The following THOC1 variants were observed in gnomAD, a reference collection of about 807,000 sequenced individuals.
The protein encoded by THOC1 is THO complex subunit 1.
THOC1 carries 29 observed loss-of-function variants against 97.3 expected under a neutral mutation model. The ratio of observed to expected loss-of-function variants is 0.30; its 90% CI spans 0.22 to 0.41. The LOEUF (loss-of-function observed/expected upper bound fraction) is 0.41, where lower values mean the gene tolerates loss of function less well. Ranked by LOEUF, THOC1 falls within the 10% of genes least tolerant of loss-of-function variation. The probability of loss-of-function intolerance (pLI) is 1.00; values close to 1 mark genes in which losing one functional copy is unlikely to be tolerated. For missense variants in THOC1, 529 were observed against 761.9 expected, an observed-to-expected ratio of 0.69 and a Z score of 3.60; for synonymous variants, 255 against 257.0, an observed-to-expected ratio of 0.99 and a Z score of 0.07.
chr18:221,741 T>C (rs1911092086), intron 17 of THOC1, among the ~76,000 whole-genome samples: 1 of 151,764 alleles, frequency 6.6e-6, no homozygotes, highest in African/African-American at 2.4e-5. Context: ...CCCAAGTAGC[T>C]GAGACTACAG....
chr18:256,575 C>T (rs565421109), intron 7 of THOC1, among the ~76,000 whole-genome samples: 38 of 152,276 alleles, frequency 2.5e-4, no homozygotes, highest in Admixed American at 7.2e-4. Context: ...GAAGATGCTG[C>T]GAACACTGTT....
intron 12 of THOC1, chr18:226,068 T>A (rs1284331028): frequency 6.6e-6 from 1 of 152,300 alleles, no homozygotes; most frequent in Non-Finnish European, 1.5e-5. Flanking sequence ...CCTACTATGC[T>A]ATACCAAACC....
chr18:265,554 A>G lies in THOC1; in HGVS notation c.55-24T>C. ...TTCTAAAAAAAAATTAAAATGGCAA[A>G]TAATTGTAAAGATTTTGCTTATTAT... is the stretch of plus-strand genomic sequence containing the variant. On this transcript the variant is annotated intron_variant, in intron 1 of 20. Coordinates refer to ENST00000261600, the MANE Select transcript of THOC1 (RefSeq NM_005131.3). 3.3e-6 allele frequency: 5 copies of G among 1,520,196 alleles called. No homozygotes were observed. The African/African-American group carries it at 5.6e-5, about 17-fold the overall frequency. The allele number at this position is 1,520,196 out of a possible 1,614,324, so 94.2% of individuals were successfully genotyped here.
At chr18:243,547 T>C (rs4622593) in intron 11 of THOC1, among the ~76,000 whole-genome samples, 1 of 149,450 alleles carries the variant, frequency 6.7e-6, no homozygotes, top group Admixed American at 6.6e-5. Context: ...CAAAAAAAAA[T>C]ATATATATAT....
chr18:259,394 A>C (rs1239932704), intron 6 of THOC1, 119 bp from the exon 7 acceptor site: 3 of 838,088 alleles, frequency 3.6e-6, no homozygotes, highest in Non-Finnish European at 5.4e-6. Flanking sequence ...GTAGTTCTTA[A>C]ATTGGGGGCC....
chr18:250,366 C>T lies in THOC1; in HGVS notation c.677+2173G>A, dbSNP rs542052825. Among the ~76,000 whole-genome samples the T allele has an allele frequency of 7.2e-5, 11 of 152,326 alleles. No homozygotes were observed. The East Asian group carries it at 1.2e-3, about 16-fold the overall frequency. On this transcript the variant is annotated intron_variant, in intron 9 of 20. Transcript: ENST00000261600. ...CTTGCAATTTGCCTTCCACCTTCAA[C>T]ACTCCACAGAAACTTTTGAATTTTC...
At chr18:267,433 T>C (rs1364148725) in intron 1 of THOC1, among the ~76,000 whole-genome samples, 2 of 152,316 alleles carry the variant, frequency 1.3e-5, no homozygotes, top group East Asian at 3.9e-4. Context: ...AAATAGCATC[T>C]GGTTACCCTT....
chr18:236,346 GATTCT>G (rs1191094030), intron 11 of THOC1, among the ~76,000 whole-genome samples: 1 of 135,266 alleles, frequency 7.4e-6, no homozygotes, highest in East Asian at 2.3e-4. Flanking sequence ...GAAAGAATAA[GATTCT>G]TTTTTTTTTT....
chr18:255,820 C>CT (rs751734791), intron 7 of THOC1, among the ~76,000 whole-genome samples: 8 of 152,198 alleles, frequency 5.3e-5, no homozygotes, highest in Admixed American at 1.3e-4. Flanking sequence ...CAGCTGGTGA[C>CT]TTTAAGTTGA....
chr18:218,845 A>G (rs760857563), intron 18 of THOC1, 41 bp downstream of exon 18: 344 of 1,510,172 alleles, frequency 2.3e-4, no homozygotes, highest in Non-Finnish European at 2.6e-4. Context: ...GAAGAAACAA[A>G]TTGAAGAAAA....
chr18:214,819 A>G lies in THOC1; in HGVS notation c.1781T>C (p.Met594Thr). The change falls in exon 21 of 21, where the codon ATG becomes ACG. Residue 594 changes from methionine (M) to threonine (T), a missense_variant. Transcript: ENST00000261600. ...QWKILAPYLE[M>T]KDSEIRQIEC... ...AATCTGCCTAATTTCTGAGTCTTTC[A>G]TTTCCAAGTAGGGAGCCAGAATCTT... 6.2e-7 allele frequency: 1 copy of G among 1,613,846 alleles called. No individual in the cohort carries two copies.
At chr18:243,219 T>C (rs114978329) in intron 11 of THOC1, among the ~76,000 whole-genome samples, 4,736 of 152,264 alleles carry the variant, frequency 0.031, 237 homozygotes, top group African/African-American at 0.11. Flanking sequence ...ATTTCAGTGC[T>C]TAATCCTGAA....
Position 230,461 on chromosome 18 carries a change from T to A in THOC1, c.919-3560A>T, listed in dbSNP as rs1313727933. Reference sequence around the variant, plus strand: ...GAAAGATTTTCCTTGATAGAAACAATGGATTGAAAATAGGAGTCAACAAAA... The same window carrying A: ...GAAAGATTTTCCTTGATAGAAACAAAGGATTGAAAATAGGAGTCAACAAAA... On this transcript the variant is annotated intron_variant, in intron 11 of 20. Coordinates refer to ENST00000261600, the MANE Select transcript of THOC1 (RefSeq NM_005131.3). Among the ~76,000 whole-genome samples the A allele has an allele frequency of 2.6e-5, 4 of 152,164 alleles. No individual in the cohort carries two copies. The South Asian group carries it at 8.3e-4, about 31-fold the overall frequency.
chr18:215,947 T>C (rs1261764684), intron 19 of THOC1, among the ~76,000 whole-genome samples: 1 of 152,194 alleles, frequency 6.6e-6, no homozygotes, highest in Non-Finnish European at 1.5e-5. Context: ...ACAGTTTACC[T>C]GAAGTATCAC....
chr18:246,643 T>G (rs1912098268), intron 10 of THOC1, among the ~76,000 whole-genome samples, 188 bp from the exon 11 acceptor site: 1 of 152,070 alleles, frequency 6.6e-6, no homozygotes, highest in Admixed American at 6.6e-5. Context: ...GATATTTCAC[T>G]TGTTGCAAAA....
At position 242,539 on chromosome 18, in the gene THOC1, G is replaced by C. The variant is rs552260730; in HGVS notation, c.918+3785C>G. On this transcript the variant is annotated intron_variant, in intron 11 of 20. Coordinates refer to ENST00000261600, the MANE Select transcript of THOC1 (RefSeq NM_005131.3). This position sits in a 1 kb window ranked among gnomAD's most constrained non-coding sequence, Gnocchi z 4.5. ...CCAGATTCATGTAACAAAACACAAT[G>C]CTTCTGGATAATATTCCCATTGGAT... Among the ~76,000 whole-genome samples, 1 of 152,212 alleles carries C rather than the reference G, an allele frequency of 6.6e-6. No homozygotes were observed. Among genetic ancestry groups the C allele is most frequent in the South Asian group, 2.1e-4 (1 of 4,826 alleles).
At chr18:259,561 G>A in intron 6 of THOC1, 121 bp downstream of exon 6, 1 of 805,844 alleles carries the variant, frequency 1.2e-6, no homozygotes, top group Non-Finnish European at 2.0e-6. Context: ...CAGATTGTTA[G>A]TTAAAAATGC....
At position 268,004 on chromosome 18, in the gene THOC1, G is replaced by C. The variant is rs1315272526; in HGVS notation, c.16C>G (p.Pro6Ala). 4.4e-6 allele frequency: 7 copies of C among 1,608,736 alleles called. No homozygotes were observed. Among genetic ancestry groups the C allele is most frequent in the Non-Finnish European group, 5.9e-6 (7 of 1,177,958 alleles). The change falls in exon 1 of 21, where the codon CCG (proline) becomes GCG (alanine). Residue 6 changes from proline (P) to alanine (A), a missense_variant. By Grantham distance (27) the Pro-to-Ala change is conservative. Transcript: ENST00000261600. MSPTP[P>A]LFSLPEARTR... ...CGCGCTTCGGGCAAACTGAAGAGCGGCGGCGTCGGAGACATCTTCTCGGCT... is the reference window on the plus strand; with the variant it reads ...CGCGCTTCGGGCAAACTGAAGAGCGCCGGCGTCGGAGACATCTTCTCGGCT...
intron 11 of THOC1, among the ~76,000 whole-genome samples, chr18:229,188 C>CA (rs761925143): frequency 1.3e-5 from 2 of 152,172 alleles, no homozygotes; most frequent in Non-Finnish European, 2.9e-5. Context: ...CATCAACTAA[C>CA]TGCCCTGGTT....
Sources: gnomAD v4.1 joint callset for allele counts (sites outside exome capture counted in the v4.1 genomes callset) on GRCh38, gnomAD v4.1.1 for gene constraint, Gnocchi (gnomAD v3.1) non-coding constraint, MANE v1.5 for transcripts, NCBI Gene and HGNC (gene_info 2026-07-23, HGNC 2026-07-21) for gene names.